The following NTM variants were observed in gnomAD, a reference collection of about 807,000 sequenced individuals.
NTM encodes the protein IgLON family member 2.
A neutral mutation model predicts 42.1 loss-of-function variants in NTM; 13 were observed. That is an observed-to-expected ratio of 0.31 (90% CI 0.20 to 0.49). The LOEUF (loss-of-function observed/expected upper bound fraction) is 0.49. NTM is among the 20% of genes least tolerant of loss of function. The pLI is 0.99. For missense variants in NTM, 373 were observed against 452.8 expected, an observed-to-expected ratio of 0.82 and a Z score of 1.60; for synonymous variants, 187 against 179.2, an observed-to-expected ratio of 1.04 and a Z score of -0.35.
At chr11:131,434,567 G>C (rs1472395245) in intron 1 of NTM, among the ~76,000 whole-genome samples, 1 of 152,074 alleles carries the variant, frequency 6.6e-6, no homozygotes, top group Non-Finnish European at 1.5e-5. Flanking sequence ...TCATGTGTTT[G>C]TTGACTGCAT....
chr11:132,142,515 G>A (rs773401493), intron 2 of NTM, among the ~76,000 whole-genome samples: 2 of 152,170 alleles, frequency 1.3e-5, no homozygotes, highest in Admixed American at 1.3e-4. Flanking sequence ...ACCGAGGAGC[G>A]ATGTGTCCTC....
intron 1 of NTM, among the ~76,000 whole-genome samples, chr11:131,882,884 T>A (rs1436426828): frequency 6.6e-6 from 1 of 152,222 alleles, no homozygotes; most frequent in Non-Finnish European, 1.5e-5. Context: ...CTGTTTTTTT[T>A]TCTTTTCCTG....
chr11:131,598,880 C>CTTCA lies in NTM; in HGVS notation c.82+227995_82+227996insATTC, dbSNP rs2060198409. On this transcript the variant is annotated intron_variant, in intron 1 of 8. Transcript: ENST00000683400. The stretch of plus-strand genomic sequence containing the variant: ...TCCTTCCTTCCTTCCTTCCTTCTTC[C>CTTCA]TTCCTTCCTTCCTTCCTTCCTTCCT... Among the ~76,000 whole-genome samples, 5 of 30,170 alleles carry CTTCA rather than the reference C, an allele frequency of 1.7e-4. 2 individuals are homozygous for CTTCA. The Admixed American group carries it at 2.3e-3, about 14-fold the overall frequency. 19.8% of individuals were successfully genotyped at this position (30,170 alleles called of 152,430 possible).
intron 2 of NTM, among the ~76,000 whole-genome samples, chr11:132,004,472 C>A (rs755143939): frequency 2.6e-5 from 4 of 152,090 alleles, no homozygotes; most frequent in Non-Finnish European, 5.9e-5. Context: ...GGTTAACTTC[C>A]TCAATGACCA....
At chr11:132,283,097 C>G (rs2094065060) in intron 4 of NTM, among the ~76,000 whole-genome samples, 1 of 150,718 alleles carries the variant, frequency 6.6e-6, no homozygotes, top group Non-Finnish European at 1.5e-5. Context: ...AGCGATTCTC[C>G]TGCCTCAGCC....
intron 4 of NTM, among the ~76,000 whole-genome samples, chr11:132,214,516 TTTG>T (rs1206487107): frequency 4.6e-5 from 7 of 152,190 alleles, no homozygotes; most frequent in African/African-American, 1.2e-4. Flanking sequence ...ATAAGTTATT[TTTG>T]TTGTTGTTCT....
chr11:131,902,067 C>G (rs2053240422), intron 1 of NTM, among the ~76,000 whole-genome samples: 1 of 152,242 alleles, frequency 6.6e-6, no homozygotes, highest in Non-Finnish European at 1.5e-5. Context: ...GCCCTGAACT[C>G]ACGATGGTAA....
At chr11:132,160,119 A>G (rs1172994321) in intron 3 of NTM, among the ~76,000 whole-genome samples, 1 of 152,156 alleles carries the variant, frequency 6.6e-6, no homozygotes, top group Non-Finnish European at 1.5e-5. Flanking sequence ...TCCCTCACTG[A>G]TACTCACTGA....
intron 4 of NTM, among the ~76,000 whole-genome samples, chr11:132,260,144 C>T (rs1320773775): frequency 6.6e-6 from 1 of 152,128 alleles, no homozygotes; most frequent in East Asian, 1.9e-4. Context: ...TAGCAAAGAA[C>T]TCAGCCTGGC....
chr11:131,828,705 G>A (rs979623642), intron 1 of NTM, among the ~76,000 whole-genome samples: 4 of 151,930 alleles, frequency 2.6e-5, no homozygotes, highest in African/African-American at 9.7e-5. Context: ...CAGGTTTCAC[G>A]GCACGTCTCC....
intron 1 of NTM, among the ~76,000 whole-genome samples, chr11:131,598,682 G>C (rs2060029708): frequency 8.4e-6 from 1 of 118,664 alleles, no homozygotes; most frequent in Non-Finnish European, 1.9e-5. Flanking sequence ...CTTCTCATTT[G>C]TTTTCTTTCT....
chr11:131,379,903 G>C (rs79844940), intron 1 of NTM, among the ~76,000 whole-genome samples: 1 of 152,074 alleles, frequency 6.6e-6, no homozygotes, highest in East Asian at 1.9e-4. Context: ...AGTATGTCCT[G>C]GTAGCCCAGC....
At chr11:132,155,064 A>G (rs2072869734) in intron 3 of NTM, among the ~76,000 whole-genome samples, 1 of 152,142 alleles carries the variant, frequency 6.6e-6, no homozygotes, top group Admixed American at 6.5e-5. Context: ...TCACTTGGCA[A>G]GTAGTGCTTT....
intron 2 of NTM, among the ~76,000 whole-genome samples, chr11:132,073,890 G>A (rs1470349041): frequency 6.6e-6 from 1 of 152,148 alleles, no homozygotes; most frequent in Non-Finnish European, 1.5e-5. Flanking sequence ...GTCAACACAT[G>A]CACATGCTTT....
In NTM at chr11:131,911,359, C is replaced by A. The variant is rs1183137114; in HGVS notation, c.83-205C>A. On this transcript the variant is annotated intron_variant, in intron 1 of 8. Coordinates refer to ENST00000683400, the MANE Select transcript of NTM (RefSeq NM_001352005.2). The stretch of plus-strand genomic sequence containing the variant: ...GCGCTTTTCTCCTCCCCGCGCCTCC[C>A]GGTCGCCGCGGGTTCACCGCTCAGT... 5.2e-6 allele frequency: 8 copies of A among 1,531,656 alleles called. No homozygotes were observed. Among genetic ancestry groups the A allele is most frequent in the African/African-American group, 1.4e-5 (1 of 72,478 alleles). 94.9% of individuals were successfully genotyped at this position (1,531,656 alleles called of 1,614,324 possible).
intron 1 of NTM, among the ~76,000 whole-genome samples, chr11:131,579,364 C>T (rs1287664522): frequency 6.6e-6 from 1 of 152,158 alleles, no homozygotes; most frequent in East Asian, 1.9e-4. Flanking sequence ...AGTGAGGTTC[C>T]CTCTCCCTTT....
At chr11:131,838,138 A>C (rs1270999941) in intron 1 of NTM, among the ~76,000 whole-genome samples, 3 of 152,092 alleles carry the variant, frequency 2.0e-5, no homozygotes, top group African/African-American at 7.2e-5. Flanking sequence ...TTATTTTTAC[A>C]TCAGGTAAAA....
At chr11:132,279,670 C>T (rs2139816627) in intron 4 of NTM, among the ~76,000 whole-genome samples, 1 of 152,240 alleles carries the variant, frequency 6.6e-6, no homozygotes, top group Admixed American at 6.5e-5. Context: ...TTATATTTAG[C>T]CTTTAAAAAT....
intron 4 of NTM, among the ~76,000 whole-genome samples, chr11:132,258,128 C>G (rs994895670): frequency 6.6e-6 from 1 of 152,222 alleles, no homozygotes; most frequent in African/African-American, 2.4e-5. Context: ...TGCGGCATCT[C>G]TAATTAGAAC....
Sources: gnomAD v4.1 joint callset for allele counts (sites outside exome capture counted in the v4.1 genomes callset) on GRCh38, gnomAD v4.1.1 for gene constraint, MANE v1.5 for transcripts, NCBI Gene and HGNC (gene_info 2026-07-23, HGNC 2026-07-21) for gene names.